Variants in KIF5C observed in about 807,000 individuals in gnomAD.
The protein encoded by KIF5C is kinesin family member 5C.
Under a neutral mutation model 125.2 loss-of-function variants are expected in KIF5C, and 18 were observed. That is an observed-to-expected ratio of 0.14 (90% CI 0.10 to 0.21). The LOEUF is 0.21. KIF5C is among the 10% of genes least tolerant of loss of function. The pLI is 1.00. For synonymous variants in KIF5C, 405 were observed against 434.0 expected (o/e 0.93, Z 0.83); for missense variants, 780 against 1,183.8 (o/e 0.66, Z 5.01).
At chr2:148,891,603 C>T (rs958470691) in intron 1 of KIF5C, among the ~76,000 whole-genome samples, 2 of 152,124 alleles carry the variant, frequency 1.3e-5, no homozygotes, top group African/African-American at 4.8e-5. Flanking sequence ...TATTCTTCCT[C>T]GCTTGTGAAA....
At chr2:149,015,724 A>C (rs1682339415) in intron 25 of KIF5C, among the ~76,000 whole-genome samples, 1 of 152,206 alleles carries the variant, frequency 6.6e-6, no homozygotes, top group Admixed American at 6.5e-5. Flanking sequence ...CCCCAGAGCT[A>C]CATATGGGGC....
At position 149,023,138 on chromosome 2, in the gene KIF5C, C is replaced by G. The variant is rs1197997268; in HGVS notation, c.*68C>G. Reference sequence around the variant, plus strand: ...ATCACCAATTCCTTTATTTTTCCCCCCCTACAGTTTCCATTTTTTTTTTAT... The same window carrying G: ...ATCACCAATTCCTTTATTTTTCCCCGCCTACAGTTTCCATTTTTTTTTTAT... On this transcript the variant is annotated 3_prime_UTR_variant, in exon 26 of 26. Transcript: ENST00000435030. 6.6e-6 allele frequency: 1 copy of G among 152,164 alleles called. No individual in the cohort carries two copies. The highest frequency in any genetic ancestry group is 2.4e-5 in the African/African-American group (1 of 41,430). The allele number at this position is 152,164 out of a possible 1,614,324, so 9.4% of individuals were successfully genotyped here. A position where few individuals can be genotyped will look rare whatever the true frequency, so the allele number is the denominator to read the frequency against.
chr2:149,005,537 A>C, intron 22 of KIF5C, 73 bp downstream of exon 22: 1 of 1,575,664 alleles, frequency 6.3e-7, no homozygotes, highest in Non-Finnish European at 8.6e-7. Flanking sequence ...TTCAGTTGAA[A>C]TATCACTTGC....
At chr2:148,991,424 A>G (rs1331186229) in intron 16 of KIF5C, among the ~76,000 whole-genome samples, 1 of 152,120 alleles carries the variant, frequency 6.6e-6, no homozygotes, top group Non-Finnish European at 1.5e-5. Flanking sequence ...GGATATATCT[A>G]TCTACCCATC....
intron 1 of KIF5C, among the ~76,000 whole-genome samples, chr2:148,920,815 C>T (rs769619688): frequency 1.2e-4 from 18 of 152,192 alleles, no homozygotes; most frequent in Non-Finnish European, 2.1e-4. Context: ...ATTATCTTTT[C>T]GAGGAGTCCC....
At chr2:148,987,426 T>G (rs1156323493) in intron 15 of KIF5C, among the ~76,000 whole-genome samples, 1 of 152,102 alleles carries the variant, frequency 6.6e-6, no homozygotes, top group Non-Finnish European at 1.5e-5. Flanking sequence ...GAAGGAACTT[T>G]GGTTGGTGGT....
chr2:148,905,114 T>G (rs1228398427), intron 1 of KIF5C, among the ~76,000 whole-genome samples: 4 of 152,206 alleles, frequency 2.6e-5, no homozygotes, highest in Non-Finnish European at 5.9e-5. Context: ...GTTTATAGCA[T>G]GTAATACTGA....
intron 11 of KIF5C, among the ~76,000 whole-genome samples, chr2:148,971,290 G>GTCTGTCTGTCTATCTATCTATCTA (rs764761986): frequency 1.5e-5 from 2 of 137,322 alleles, no homozygotes; most frequent in East Asian, 2.1e-4. Flanking sequence ...CTGTCTGTCT[G>GTCTGTCTGTCTATCTATCTATCTA]TCTATCTATC....
At chr2:148,933,736 A>G (rs1682226644) in intron 3 of KIF5C, among the ~76,000 whole-genome samples, 1 of 151,008 alleles carries the variant, frequency 6.6e-6, no homozygotes, top group Admixed American at 6.6e-5. Context: ...CGCCTCCCAC[A>G]TACATCATAC....
chr2:148,982,791 A>G (rs1681271562), intron 14 of KIF5C, among the ~76,000 whole-genome samples: 1 of 152,214 alleles, frequency 6.6e-6, no homozygotes, highest in South Asian at 2.1e-4. Flanking sequence ...TTCATAATAC[A>G]GTTTTTAATT....
intron 1 of KIF5C, chr2:148,888,592 C>T (rs1681620792): frequency 6.6e-6 from 1 of 152,064 alleles, no homozygotes; most frequent in African/African-American, 2.4e-5. Context: ...GCTGAAAAAT[C>T]TCTCTTCCCA....
At chr2:148,916,156 G>A (rs1189825196) in intron 1 of KIF5C, among the ~76,000 whole-genome samples, 1 of 152,194 alleles carries the variant, frequency 6.6e-6, no homozygotes, top group Non-Finnish European at 1.5e-5. Flanking sequence ...ACATGGAAGT[G>A]GTGGAGAGTG....
chr2:149,008,932 A>G (rs934531760), intron 23 of KIF5C, among the ~76,000 whole-genome samples: 1 of 152,092 alleles, frequency 6.6e-6, no homozygotes, highest in Non-Finnish European at 1.5e-5. Context: ...GGGAGCTTGA[A>G]ATAGGGCTCT....
At chr2:148,929,982 G>A (rs1172181485) in intron 3 of KIF5C, among the ~76,000 whole-genome samples, 1 of 152,108 alleles carries the variant, frequency 6.6e-6, no homozygotes, top group Non-Finnish European at 1.5e-5. Context: ...TCACCTTTTT[G>A]TTAACATTTC....
chr2:148,883,477 G>A (rs1012519468), intron 1 of KIF5C: 1 of 151,904 alleles, frequency 6.6e-6, no homozygotes. Context: ...CTCCAGCCTG[G>A]GCGAAAGAAC....
In KIF5C at chr2:148,948,816, TTAAAA is replaced by T. The variant is rs1437321684; in HGVS notation, c.715-1019_715-1015del. On this transcript the variant is annotated intron_variant, in intron 8 of 25. Transcript: ENST00000435030. ...TAAGATGCTCAAATAAGAAAGCATC[TTAAAA>T]TAACAGTGCTTAAAATAACATAGAC... 3.9e-5 allele frequency among the ~76,000 whole-genome samples: 6 copies of T among 152,308 alleles called. No individual in the cohort carries two copies. The East Asian group carries it at 1.2e-3, about 29-fold the overall frequency.
intron 21 of KIF5C, 93 bp downstream of exon 21, chr2:149,000,875 C>A: frequency 6.4e-7 from 1 of 1,572,930 alleles, no homozygotes; most frequent in Non-Finnish European, 8.6e-7. Flanking sequence ...CCATGCACAC[C>A]TTTCTGTGTA....
rs55762538 is a variant in KIF5C at position 148,897,918 on chromosome 2, CAAAAAAAAAAAAAAAAAAAAA to C, written c.126+22195_126+22215del. On this transcript the variant is annotated intron_variant, in intron 1 of 25. Coordinates refer to ENST00000435030, the MANE Select transcript of KIF5C (RefSeq NM_004522.3). ...TGGCTGACAGAGTAAGACTCAGTCT[CAAAAAAAAAAAAAAAAAAAAA>C]AAAAAAAAAAAAAAAAAAATCATCC... Among the ~76,000 whole-genome samples, 71 of 20,456 alleles carry C rather than the reference CAAAAAAAAAAAAAAAAAAAAA, an allele frequency of 3.5e-3. 1 individual carries two copies. The South Asian group carries it at 0.094, about 27-fold the overall frequency. The allele number at this position is 20,456 out of a possible 152,430, so 13.4% of individuals were successfully genotyped here.
intron 1 of KIF5C, among the ~76,000 whole-genome samples, chr2:148,896,208 A>G (rs1301500553): frequency 6.6e-6 from 1 of 152,160 alleles, no homozygotes; most frequent in East Asian, 1.9e-4. Flanking sequence ...GGCTTTTTCC[A>G]AATAACAAAG....
Sources: allele counts gnomAD v4.1 joint callset (sites outside exome capture counted in the v4.1 genomes callset), GRCh38; gene constraint gnomAD v4.1.1; transcripts MANE v1.5; gene names NCBI Gene and HGNC (gene_info 2026-07-23, HGNC 2026-07-21).